KCTD16: variants seen among roughly 807,000 people sequenced by gnomAD.
The protein encoded by KCTD16 is BTB/POZ domain-containing protein KCTD16.
KCTD16 carries 13 observed loss-of-function variants against 33.2 expected under a neutral mutation model. The ratio of observed to expected loss-of-function variants is 0.39; its 90% CI spans 0.25 to 0.62. The LOEUF (loss-of-function observed/expected upper bound fraction) is 0.62. KCTD16 is among the 20% of genes least tolerant of loss of function. The pLI, the probability that KCTD16 is intolerant of heterozygous loss-of-function variation, is 0.50. For missense variants in KCTD16, 441 were observed against 525.1 expected (o/e 0.84, Z 1.57); for synonymous variants, 197 against 195.3 (o/e 1.01, Z -0.07).
intron 3 of KCTD16, among the ~76,000 whole-genome samples, chr5:144,313,612 A>G (rs1006448564): frequency 2.6e-5 from 4 of 152,210 alleles, no homozygotes; most frequent in African/African-American, 9.7e-5. Flanking sequence ...AATGGCACTT[A>G]AGATGTAGTT....
At chr5:144,252,396 A>G (rs1754724677) in intron 3 of KCTD16, among the ~76,000 whole-genome samples, 1 of 152,178 alleles carries the variant, frequency 6.6e-6, no homozygotes, top group African/African-American at 2.4e-5. Context: ...ATCCACAAAT[A>G]TTTCAATCTG....
At chr5:144,229,060 A>T (rs1754019413) in intron 3 of KCTD16, among the ~76,000 whole-genome samples, 1 of 152,202 alleles carries the variant, frequency 6.6e-6, no homozygotes, top group South Asian at 2.1e-4. Context: ...ATGGCCATGA[A>T]TGTGAAGTGA....
intron 3 of KCTD16, among the ~76,000 whole-genome samples, chr5:144,299,916 CA>C (rs59890704): frequency 1.7e-4 from 23 of 132,354 alleles, no homozygotes; most frequent in African/African-American, 6.2e-4. Flanking sequence ...AAAAAAAAAA[CA>C]AAAAACAAAA....
chr5:144,401,481 A>G (rs1406744466), intron 3 of KCTD16, among the ~76,000 whole-genome samples: 2 of 152,270 alleles, frequency 1.3e-5, no homozygotes, highest in East Asian at 1.9e-4. Flanking sequence ...AGACATACCA[A>G]TCATGCTTTT....
chr5:144,259,894 C>T (rs1483571898), intron 3 of KCTD16, among the ~76,000 whole-genome samples: 3 of 152,128 alleles, frequency 2.0e-5, no homozygotes, highest in African/African-American at 7.2e-5. Flanking sequence ...GGATGCCTTG[C>T]CCACAGGAAT....
intron 3 of KCTD16, among the ~76,000 whole-genome samples, chr5:144,423,826 T>C (rs1753263617): frequency 6.6e-6 from 1 of 152,136 alleles, no homozygotes; most frequent in African/African-American, 2.4e-5. Flanking sequence ...CTGGGAATTA[T>C]GCTTTATCCA....
chr5:144,429,540 C>T (rs1450632806), intron 3 of KCTD16, among the ~76,000 whole-genome samples: 1 of 152,010 alleles, frequency 6.6e-6, no homozygotes, highest in Non-Finnish European at 1.5e-5. Flanking sequence ...GATCACATAC[C>T]TCTCTTTAAC....
intron 3 of KCTD16, among the ~76,000 whole-genome samples, chr5:144,442,727 T>C (rs1348119854): frequency 6.6e-6 from 1 of 152,046 alleles, no homozygotes; most frequent in Non-Finnish European, 1.5e-5. Flanking sequence ...GGTATCAAAC[T>C]CTCCACTCTC....
chr5:144,411,940 A>G (rs772000579), intron 3 of KCTD16, among the ~76,000 whole-genome samples: 1 of 152,212 alleles, frequency 6.6e-6, no homozygotes, highest in African/African-American at 2.4e-5. Flanking sequence ...CAAATCATGA[A>G]TCATCAGATA....
intron 3 of KCTD16, among the ~76,000 whole-genome samples, chr5:144,445,437 G>T (rs550728512): frequency 6.6e-5 from 10 of 152,118 alleles, no homozygotes; most frequent in African/African-American, 2.2e-4. Flanking sequence ...TTGTCTGGAA[G>T]AGTGTTATTC....
At chr5:144,271,908 A>G (rs888902265) in intron 3 of KCTD16, among the ~76,000 whole-genome samples, 26 of 152,132 alleles carry the variant, frequency 1.7e-4, no homozygotes, top group Non-Finnish European at 3.1e-4. Flanking sequence ...AAGCAATTTC[A>G]TTTATAATAG....
At chr5:144,459,215 T>G (rs1350295547) in intron 3 of KCTD16, among the ~76,000 whole-genome samples, 1 of 152,216 alleles carries the variant, frequency 6.6e-6, no homozygotes, top group African/African-American at 2.4e-5. Flanking sequence ...AATGGGAATC[T>G]GGAAATCTAT....
Position 144,331,581 on chromosome 5 carries a change from T to C in KCTD16, c.832+124035T>C, listed in dbSNP as rs1051623987. On this transcript the variant is annotated intron_variant, in intron 3 of 3. Transcript: ENST00000512467. ...TTACCCTAGATGTGAAGCATAGTTA[T>C]GGATGGGGAATGGGAGTCTGTCCAT... Among the ~76,000 whole-genome samples, 110 of 152,168 alleles carry C rather than the reference T, an allele frequency of 7.2e-4. 1 individual carries two copies. Among genetic ancestry groups the C allele is most frequent in the African/African-American group, 2.5e-3 (105 of 41,450 alleles).
intron 3 of KCTD16, among the ~76,000 whole-genome samples, chr5:144,467,092 T>G (rs1380240314): frequency 7.1e-6 from 1 of 140,462 alleles, no homozygotes; most frequent in Admixed American, 7.4e-5. Context: ...GTGTTATATA[T>G]ATTATATATA....
intron 3 of KCTD16, among the ~76,000 whole-genome samples, chr5:144,324,341 G>A (rs905253840): frequency 3.3e-5 from 5 of 152,124 alleles, no homozygotes; most frequent in African/African-American, 1.2e-4. Context: ...CACCAAGAAG[G>A]CTTTAGTTTT....
At chr5:144,338,677 T>G (rs1306028787) in intron 3 of KCTD16, among the ~76,000 whole-genome samples, 1 of 152,122 alleles carries the variant, frequency 6.6e-6, no homozygotes, top group East Asian at 1.9e-4. Flanking sequence ...TAGCATGACA[T>G]GAACCTATTT....
Position 144,326,237 on chromosome 5 carries a change from A to G in KCTD16, c.832+118691A>G, listed in dbSNP as rs556358994. The stretch of plus-strand genomic sequence containing the variant: ...TGGGAGGCATCCCTTCAAGAACACC[A>G]TCTCTAACATGGATGCCTAAGTCTG... On this transcript the variant is annotated intron_variant, in intron 3 of 3. Transcript: ENST00000512467. Among the ~76,000 whole-genome samples the G allele has an allele frequency of 2.2e-3, 335 of 152,306 alleles. 1 individual carries two copies. The highest frequency in any genetic ancestry group is 3.5e-3 in the Non-Finnish European group (240 of 68,022).
chr5:144,441,885 G>C (rs1228955225), intron 3 of KCTD16, among the ~76,000 whole-genome samples: 3 of 144,866 alleles, frequency 2.1e-5, no homozygotes, highest in Admixed American at 1.4e-4. Context: ...TGGGATTTTT[G>C]TTGGAGATTG....
chr5:144,415,640 C>G (rs1021073112), intron 3 of KCTD16, among the ~76,000 whole-genome samples: 2 of 152,170 alleles, frequency 1.3e-5, no homozygotes, highest in Non-Finnish European at 2.9e-5. Flanking sequence ...AAACAGTTGA[C>G]TTTGATTTTG....
Sources: gnomAD v4.1 joint callset for allele counts (sites outside exome capture counted in the v4.1 genomes callset) on GRCh38, gnomAD v4.1.1 for gene constraint, MANE v1.5 for transcripts, NCBI Gene and HGNC (gene_info 2026-07-23, HGNC 2026-07-21) for gene names.